The following SLC2A9 variants were observed in gnomAD, a reference collection of about 807,000 sequenced individuals.
The protein encoded by SLC2A9 is solute carrier family 2, facilitated glucose transporter member 9.
A neutral mutation model predicts 50.6 loss-of-function variants in SLC2A9; 39 were observed. That is an observed-to-expected ratio of 0.77 (90% CI 0.60 to 1.01). SLC2A9 has a LOEUF of 1.01. Ranked by LOEUF, SLC2A9 falls within the 50% of genes least tolerant of loss-of-function variation. SLC2A9 has a pLI of 0.00. For synonymous variants in SLC2A9, 324 were observed against 276.9 expected (o/e 1.17, Z -1.69); for missense variants, 686 against 677.6 (o/e 1.01, Z -0.14).
At chr4:9,850,555 G>A (rs1485376255) in intron 10 of SLC2A9, among the ~76,000 whole-genome samples, 1 of 152,156 alleles carries the variant, frequency 6.6e-6, no homozygotes, top group African/African-American at 2.4e-5. Flanking sequence ...CAACCAGGGT[G>A]CTTCCCTGGG....
intron 2 of SLC2A9, among the ~76,000 whole-genome samples, chr4:10,004,228 GT>G (rs1760375677): frequency 6.6e-6 from 1 of 152,216 alleles, no homozygotes; most frequent in Non-Finnish European, 1.5e-5. Context: ...ATCCTGAGAA[GT>G]TTCATTCACA....
rs1244485273 is a variant in SLC2A9, at chr4:9,812,123, G to A, written n.421-12882C>T. On this transcript the variant is annotated intron_variant and non_coding_transcript_variant, in intron 3 of 3. Coordinates refer to the SLC2A9 transcript ENST00000503280. ...TCATTTGTTGAGTGTGTTATTACAT[G>A]CAACTCGGTTTCAGCCAAATTTTAT... 3.9e-5 allele frequency among the ~76,000 whole-genome samples: 6 copies of A among 152,280 alleles called. No individual in the cohort carries two copies. In the East Asian group the frequency reaches 1.2e-3, roughly 29 times the overall value.
intron 2 of SLC2A9, among the ~76,000 whole-genome samples, chr4:10,016,441 A>T (rs1762621592): frequency 1.3e-5 from 2 of 152,200 alleles, no homozygotes; most frequent in Non-Finnish European, 2.9e-5. Context: ...CATGAAAAGT[A>T]CATGGAGGAG....
intron 10 of SLC2A9, among the ~76,000 whole-genome samples, chr4:9,878,143 C>CATATAT (rs925426692): frequency 2.0e-5 from 3 of 151,680 alleles, no homozygotes; most frequent in African/African-American, 7.3e-5. Flanking sequence ...AACACACACA[C>CATATAT]ACATATATAT....
chr4:9,887,651 G>C lies in SLC2A9; in HGVS notation c.1216-9C>G, dbSNP rs986566979. The stretch of plus-strand genomic sequence containing the variant: ...ACCCAGGGGGCGTGGTCCTGGGAGA[G>C]AACAGGGAGTGGTCAGGTGAGGAGG... On this transcript the variant is annotated splice_polypyrimidine_tract_variant and intron_variant, in intron 9 of 11. Coordinates refer to ENST00000264784, the MANE Select transcript of SLC2A9 (RefSeq NM_020041.3). 3 of 1,511,880 alleles carry C rather than the reference G, an allele frequency of 2.0e-6. No individual in the cohort carries two copies. The highest frequency in any genetic ancestry group is 2.1e-5 in the Admixed American group (1 of 47,574). The allele number at this position is 1,511,880 out of a possible 1,614,324, so 93.7% of individuals were successfully genotyped here.
downstream of SLC2A9, among the ~76,000 whole-genome samples, chr4:9,776,187 CTTTTTTT>C (rs75524600): frequency 2.6e-4 from 37 of 141,972 alleles, no homozygotes; most frequent in Non-Finnish European, 4.3e-4. Flanking sequence ...GTCTTTCTTT[CTTTTTTT>C]TTTTTTTTGA....
At chr4:9,942,193 C>T in intron 5 of SLC2A9, 148 bp from the exon 6 acceptor site, 1 of 934,328 alleles carries the variant, frequency 1.1e-6, no homozygotes, top group Non-Finnish European at 1.7e-6. Flanking sequence ...AGGAACTGAG[C>T]CAGGCTGGGC....
intron 3 of SLC2A9, among the ~76,000 whole-genome samples, chr4:9,805,871 C>T (rs1233860486): frequency 2.0e-5 from 3 of 152,154 alleles, no homozygotes; most frequent in African/African-American, 7.2e-5. Context: ...CTAATGTTCT[C>T]ACTATAATTC....
chr4:9,852,479 C>T (rs1252817778), intron 10 of SLC2A9, among the ~76,000 whole-genome samples: 1 of 151,948 alleles, frequency 6.6e-6, no homozygotes, highest in Non-Finnish European at 1.5e-5. Context: ...GTCTCGATCT[C>T]CTGACCTCAT....
chr4:9,915,484 C>A (rs535875024), intron 7 of SLC2A9, among the ~76,000 whole-genome samples: 1 of 152,212 alleles, frequency 6.6e-6, no homozygotes. Context: ...GATCTGCCCA[C>A]CCCAGGCTCC....
chr4:9,863,343 T>C (rs1212944243), intron 10 of SLC2A9, among the ~76,000 whole-genome samples: 1 of 151,932 alleles, frequency 6.6e-6, no homozygotes, highest in Non-Finnish European at 1.5e-5. Context: ...GATGAGGTCT[T>C]GCTACATTGC....
upstream of SLC2A9, among the ~76,000 whole-genome samples, chr4:10,022,858 G>C (rs1351111141): frequency 6.6e-6 from 1 of 152,156 alleles, no homozygotes; most frequent in Non-Finnish European, 1.5e-5. Context: ...TTCCAAAGAG[G>C]AAAACCACCC....
At chr4:9,837,586 C>G (rs770604457) in intron 10 of SLC2A9, among the ~76,000 whole-genome samples, 1 of 152,218 alleles carries the variant, frequency 6.6e-6, no homozygotes, top group African/African-American at 2.4e-5. Flanking sequence ...AAATTGCCTC[C>G]TGGTACATCT....
At chr4:9,955,944 C>T (rs1751195686) in intron 5 of SLC2A9, among the ~76,000 whole-genome samples, 1 of 120,234 alleles carries the variant, frequency 8.3e-6, no homozygotes, top group Non-Finnish European at 1.6e-5. Context: ...GTGGTGCAAA[C>T]TTGGCTCACT....
chr4:9,858,269 T>C (rs186253368), intron 10 of SLC2A9, among the ~76,000 whole-genome samples: 4 of 152,284 alleles, frequency 2.6e-5, no homozygotes, highest in African/African-American at 7.2e-5. Context: ...AGCTGGACTT[T>C]GGCGGTAGCT....
At chr4:9,825,021 G>T (rs1209312261), downstream of SLC2A9, among the ~76,000 whole-genome samples, 1 of 152,178 alleles carries the variant, frequency 6.6e-6, no homozygotes, top group Non-Finnish European at 1.5e-5. Context: ...GGCTGCCATG[G>T]TCAAGAATGA....
chr4:9,830,000 A>G (rs1275228967), intron 11 of SLC2A9, among the ~76,000 whole-genome samples: 1 of 152,244 alleles, frequency 6.6e-6, no homozygotes, highest in Non-Finnish European at 1.5e-5. Flanking sequence ...TGTCTCAGCA[A>G]TCCCATTACT....
chr4:9,950,859 C>T lies in SLC2A9; in HGVS notation c.682-8814G>A, dbSNP rs1241365233. Among the ~76,000 whole-genome samples, 4 of 27,380 alleles carry T rather than the reference C, an allele frequency of 1.5e-4. 1 individual carries two copies. Among genetic ancestry groups the T allele is most frequent in the East Asian group, 1.3e-3 (1 of 750 alleles). The allele number at this position is 27,380 out of a possible 152,430, so 18.0% of individuals were successfully genotyped here. On this transcript the variant is annotated intron_variant, in intron 5 of 11. Coordinates refer to ENST00000264784, the MANE Select transcript of SLC2A9 (RefSeq NM_020041.3). ...AGTGAGCCGAGATCGCGCCACTGCA[C>T]GCCAGCCTGGGCGACAGAGCGAGAC...
At chr4:9,791,072 C>T (rs1393657553) in intron 3 of SLC2A9, among the ~76,000 whole-genome samples, 2 of 152,132 alleles carry the variant, frequency 1.3e-5, no homozygotes, top group Non-Finnish European at 2.9e-5. Flanking sequence ...AGAAAGTCCT[C>T]ATTGATGGAG....
Sources: gnomAD v4.1 joint callset for allele counts (sites outside exome capture counted in the v4.1 genomes callset) on GRCh38, gnomAD v4.1.1 for gene constraint, MANE v1.5 for transcripts, NCBI Gene and HGNC (gene_info 2026-07-23, HGNC 2026-07-21) for gene names.